DONSON: variants seen among roughly 807,000 people sequenced by gnomAD.
DONSON encodes the protein DNA replication fork stabilization factor DONSON, also known as protein downstream neighbor of Son.
Under a neutral mutation model 62.1 loss-of-function variants are expected in DONSON, and 43 were observed. The observed-to-expected ratio is 0.69, with a 90% confidence interval of 0.54 to 0.89. The LOEUF (loss-of-function observed/expected upper bound fraction) is 0.89. DONSON is among the 40% of genes least tolerant of loss of function. The pLI, the probability that DONSON is intolerant of heterozygous loss-of-function variation, is 0.00. For synonymous variants in DONSON, 266 were observed against 264.6 expected (o/e 1.01, Z -0.05); for missense variants, 696 against 697.5 (o/e 1.00, Z 0.03).
chr21:33,580,884 CAAACAAACAA>C (rs1431781283), intron 8 of DONSON, among the ~76,000 whole-genome samples: 4 of 149,630 alleles, frequency 2.7e-5, no homozygotes, highest in East Asian at 3.9e-4. Flanking sequence ...CCTCTTAAAA[CAAACAAACAA>C]AAACAAACAA....
intron 1 of DONSON, 96 bp downstream of exon 1, chr21:33,588,225 T>C: frequency 1.9e-6 from 2 of 1,032,832 alleles, no homozygotes; most frequent in Middle Eastern, 7.0e-4. Context: ...GCCCATTTCC[T>C]TGCCTCGAAC....
chr21:33,585,888 A>G (rs953517829), intron 3 of DONSON, 90 bp downstream of exon 3: 34 of 1,242,850 alleles, frequency 2.7e-5, no homozygotes, highest in Non-Finnish European at 3.7e-5. Context: ...AGAAAAACTT[A>G]ATGGAAGGCA....
intron 2 of DONSON, 137 bp downstream of exon 2, chr21:33,587,385 A>T: frequency 7.2e-7 from 1 of 1,397,484 alleles, no homozygotes; most frequent in Non-Finnish European, 9.3e-7. Flanking sequence ...GGTTGAGATG[A>T]TCAAGCCTCT....
At position 33,577,638 on chromosome 21, in the gene DONSON, CA is replaced by C. The variant is rs2086437956; in HGVS notation, c.*668del. On this transcript the variant is annotated 3_prime_UTR_variant, in exon 10 of 10. Coordinates refer to ENST00000303071, the MANE Select transcript of DONSON (RefSeq NM_017613.4). ...ACACACACACACACACACACACACA[CA>C]CACACACACACACACACACACACAC... 1.9e-5 allele frequency: 1 copy of C among 52,688 alleles called. No homozygotes were observed. The highest frequency in any genetic ancestry group is 4.1e-5 in the Non-Finnish European group (1 of 24,234). 3.3% of individuals were successfully genotyped at this position (52,688 alleles called of 1,614,324 possible). A position where few individuals can be genotyped will look rare whatever the true frequency, so the allele number is the denominator to read the frequency against.
intron 8 of DONSON, among the ~76,000 whole-genome samples, chr21:33,580,742 C>T (rs1040382528): frequency 6.6e-6 from 1 of 151,724 alleles, no homozygotes; most frequent in African/African-American, 2.4e-5. Flanking sequence ...ATTAGCTGGG[C>T]GTGGTGGTGC....
intron 5 of DONSON, 34 bp from the exon 6 acceptor site, chr21:33,582,280 A>T: frequency 6.7e-7 from 1 of 1,501,846 alleles, no homozygotes; most frequent in Non-Finnish European, 9.2e-7. Flanking sequence ...CTGAGTTGTC[A>T]TTTAAAGTAT....
In DONSON at chr21:33,581,488, T is replaced by A; in HGVS notation, c.1164A>T (p.Lys388Asn). The A allele has an allele frequency of 1.2e-6, 2 of 1,613,192 alleles. No homozygotes were observed. The highest frequency in any genetic ancestry group is 1.7e-6 in the Non-Finnish European group (2 of 1,179,362). Residue 388 changes from lysine to asparagine, a missense_variant, in exon 8 of 10, where the codon AAA (lysine) becomes AAT (asparagine). Physicochemically the swap from Lys to Asn is moderately conservative, Grantham distance 94 (BLOSUM62 0). Coordinates refer to ENST00000303071, the MANE Select transcript of DONSON (RefSeq NM_017613.4). ...DILSIKLRKE[K>N]HEVQMDHRPE... ...GTCTGTGATCCATTTGTACTTCATG[T>A]TTCTCTTTACGCCTGAAGATGACAA...
In DONSON at chr21:33,579,532, G is replaced by C; in HGVS notation, c.1381C>G (p.Leu461Val). 1 of 1,614,180 alleles carries C rather than the reference G, an allele frequency of 6.2e-7. No homozygotes were observed. Among genetic ancestry groups the C allele is most frequent in the Non-Finnish European group, 8.5e-7 (1 of 1,180,008 alleles). ...CTAAATTGGTCTCTGTATCCAGAAA[G>C]AGCTTGTGTCTTCACATTCACACTC... is the stretch of plus-strand genomic sequence containing the variant. ...ARSVNVKTQA[L>V]SGYRDQFSLE... The change falls in exon 9 of 10, where the codon CTT becomes GTT. Residue 461 changes from leucine to valine, a missense_variant. Leu to Val is a conservative substitution (Grantham distance 32). Coordinates refer to ENST00000303071, the MANE Select transcript of DONSON (RefSeq NM_017613.4).
rs905943086 is a variant in DONSON at position 33,583,540 on chromosome 21, T to G, written c.912A>C (p.Thr304=). 4 of 1,613,932 alleles carry G rather than the reference T, an allele frequency of 2.5e-6. No individual in the cohort carries two copies. In the African/African-American group the frequency reaches 5.3e-5, roughly 22 times the overall value. Reference sequence around the variant, plus strand: ...CTCGAGTTGTTGGAGATATGAGAGCTGTGATTAAGTCACTTCCAGCTAATC... The same window carrying G: ...CTCGAGTTGTTGGAGATATGAGAGCGGTGATTAAGTCACTTCCAGCTAATC... The part of the protein sequence containing the change: ...AAGLAGSDLI[T]ALISPTTRGL... Residue 304 remains threonine, a synonymous_variant, in exon 5 of 10, where the codon ACA becomes ACC. Coordinates refer to ENST00000303071, the MANE Select transcript of DONSON (RefSeq NM_017613.4).
At position 33,587,570 on chromosome 21, in the gene DONSON, T is replaced by C. The variant is rs763697657; in HGVS notation, c.354A>G (p.Leu118=). 65 of 1,597,056 alleles carry C rather than the reference T, an allele frequency of 4.1e-5. 1 individual carries two copies. The highest frequency in any genetic ancestry group is 4.9e-5 in the Non-Finnish European group (58 of 1,174,646). The part of the protein sequence containing the change: ...FLDSNQENDL[L]WEEKFPERTT... ...TTCTTTCAGGAAACTTCTCTTCCCA[T>C]AGCAAATCATTTTCTTGATTAGAAT... is the stretch of plus-strand genomic sequence containing the variant. Residue 118 remains leucine (L), a synonymous_variant, in exon 2 of 10, where the codon CTA becomes CTG. Coordinates refer to ENST00000303071, the MANE Select transcript of DONSON (RefSeq NM_017613.4).
Position 33,581,509 on chromosome 21 carries a change from G to A in DONSON, c.1152-9C>T, listed in dbSNP as rs1287499994. The A allele has an allele frequency of 6.2e-7, 1 of 1,607,400 alleles. No homozygotes were observed. Among genetic ancestry groups the A allele is most frequent in the Non-Finnish European group, 8.5e-7 (1 of 1,175,884 alleles). On this transcript the variant is annotated splice_polypyrimidine_tract_variant and intron_variant, in intron 7 of 9. Transcript: ENST00000303071. ...CATGTTTCTCTTTACGCCTGAAGAT[G>A]ACAATCAAGGAAATTGCAAAAGCAA...
At chr21:33,586,241 A>G (rs1363321311) in intron 2 of DONSON, 60 bp from the exon 3 acceptor site, 2 of 1,349,040 alleles carry the variant, frequency 1.5e-6, no homozygotes, top group South Asian at 2.4e-5. Flanking sequence ...TTCAACCTAA[A>G]GATTTTATCA....
At chr21:33,587,720 G>A in intron 1 of DONSON, 118 bp from the exon 2 acceptor site, 2 of 622,978 alleles carry the variant, frequency 3.2e-6, no homozygotes, top group Non-Finnish European at 5.5e-6. Flanking sequence ...CCTAAATTCA[G>A]AGGCACCCCA....
intron 5 of DONSON, 109 bp from the exon 6 acceptor site, chr21:33,582,355 A>C: frequency 1.2e-6 from 1 of 827,070 alleles, no homozygotes; most frequent in Non-Finnish European, 1.9e-6. Flanking sequence ...CAAATGATCT[A>C]TTAAGGCAGT....
chr21:33,578,418 G>C lies in DONSON; in HGVS notation c.1590C>G (p.Asn530Lys). 1 of 1,613,850 alleles carries C rather than the reference G, an allele frequency of 6.2e-7. No homozygotes were observed. The change falls in exon 10 of 10, where the codon AAC becomes AAG. Residue 530 changes from asparagine (N) to lysine (K), a missense_variant. Transcript: ENST00000303071. ...CCAGAGTGTTAGGGTGCAAACCACA[G>C]TTAGTAAGCTCCTTATGAACAACCT... is the stretch of plus-strand genomic sequence containing the variant. The part of the protein sequence containing the change: ...DMEVVHKELT[N>K]CGLHPNTLEQ...
chr21:33,582,998 G>A (rs2086530972), intron 5 of DONSON, among the ~76,000 whole-genome samples: 1 of 151,772 alleles, frequency 6.6e-6, no homozygotes, highest in Non-Finnish European at 1.5e-5. Context: ...TCAGGAGATC[G>A]AGATCGTCCT....
chr21:33,584,114 G>A (rs1279305901), intron 4 of DONSON, among the ~76,000 whole-genome samples: 1 of 145,780 alleles, frequency 6.9e-6, no homozygotes, highest in Non-Finnish European at 1.5e-5. Context: ...GCGCGATCTC[G>A]GCTCACTGCA....
At chr21:33,578,523 C>A (rs2086462833) in intron 9 of DONSON, 79 bp from the exon 10 acceptor site, 1 of 1,397,196 alleles carries the variant, frequency 7.2e-7, no homozygotes, top group Non-Finnish European at 9.6e-7. Context: ...ACTATGGAGA[C>A]TGACAAATAA....
chr21:33,580,494 A>G (rs1478291413), intron 8 of DONSON, among the ~76,000 whole-genome samples: 1 of 125,632 alleles, frequency 8.0e-6, no homozygotes, highest in African/African-American at 3.1e-5. Context: ...AAAAAAAAAA[A>G]AAAAAAAAAA....
Sources: allele counts gnomAD v4.1 joint callset (sites outside exome capture counted in the v4.1 genomes callset), GRCh38; gene constraint gnomAD v4.1.1; transcripts MANE v1.5; gene names NCBI Gene and HGNC (gene_info 2026-07-23, HGNC 2026-07-21).